Variants in CR1 observed in about 807,000 individuals in gnomAD.
CR1 encodes complement C3b/C4b receptor 1 (Knops blood group).
Under a neutral mutation model 187.3 loss-of-function variants are expected in CR1, and 116 were observed. The observed-to-expected ratio is 0.62, with a 90% CI of 0.53 to 0.72. The LOEUF (loss-of-function observed/expected upper bound fraction) is 0.72, where lower values mean the gene tolerates loss of function less well. Among genes scored for constraint, CR1 ranks in the 30% least tolerant of loss-of-function variants. The pLI is 0.00. For synonymous variants in CR1, 576 were observed against 747.1 expected, an observed-to-expected ratio of 0.77 and a Z score of 3.73; for missense variants, 1,731 against 2,110.7, an observed-to-expected ratio of 0.82 and a Z score of 3.52.
intron 33 of CR1, among the ~76,000 whole-genome samples, chr1:207,587,041 A>G (rs1052357785): frequency 6.6e-6 from 1 of 152,212 alleles, no homozygotes; most frequent in Non-Finnish European, 1.5e-5. Flanking sequence ...GCTACTCATG[A>G]GTGAATTAGC....
rs116806486 is a variant in CR1, at chr1:207,523,640, A to G, written c.517A>G (p.Thr173Ala). Residue 173 changes from threonine (T) to alanine (A), a missense_variant, in exon 5 of 47, where the codon ACC becomes GCC. Transcript: ENST00000367049. Reference sequence around the variant, plus strand: ...TCCTTGTGGGCTACCCCCCACCATCACCAATGGAGATTTCATTAGCACCAA... The same window carrying G: ...TCCTTGTGGGCTACCCCCCACCATCGCCAATGGAGATTTCATTAGCACCAA... ...RIPCGLPPTITNGDFISTNRE... is the reference protein window; with the variant it reads ...RIPCGLPPTIANGDFISTNRE... 1,674 of 1,613,834 alleles carry G rather than the reference A, an allele frequency of 1.0e-3. 8 individuals are homozygous for G. In the African/African-American group the frequency reaches 0.016, roughly 16 times the overall value.
intron 4 of CR1, among the ~76,000 whole-genome samples, chr1:207,518,204 T>C (rs550744951): frequency 1.9e-4 from 29 of 152,296 alleles, no homozygotes; most frequent in South Asian, 1.2e-3. Flanking sequence ...CTCTGACCCA[T>C]AGGCTGTTTA....
At chr1:207,512,510 T>C (rs1659655385) in intron 4 of CR1, among the ~76,000 whole-genome samples, 2 of 152,230 alleles carry the variant, frequency 1.3e-5, no homozygotes, top group South Asian at 4.1e-4. Flanking sequence ...AGGCTGAGGC[T>C]GAGAGAAATA....
intron 39 of CR1, among the ~76,000 whole-genome samples, chr1:207,613,075 G>T (rs1661982548): frequency 6.6e-6 from 1 of 152,188 alleles, no homozygotes; most frequent in African/African-American, 2.4e-5. Context: ...GGGCCACAGT[G>T]TTACAGGCTT....
At position 207,506,771 on chromosome 1, in the gene CR1, G is replaced by A. The variant is rs752354880; in HGVS notation, c.359G>A (p.Gly120Asp). The change falls in exon 3 of 47, where the codon GGC (glycine) becomes GAC (aspartate). Residue 120 changes from glycine (G) to aspartate (D), a missense_variant. Gly to Asp is a moderately conservative substitution (Grantham distance 94). Around this residue, in one of 5 missense-constraint regions of CR1, gnomAD observed 237 missense variants for 240.4 expected, o/e 0.99. Coordinates refer to ENST00000367049, the MANE Select transcript of CR1 (RefSeq NM_000651.6). Reference protein sequence around the residue: ...PVNGMVHVIKGIQFGSQIKYS... With the variant: ...PVNGMVHVIKDIQFGSQIKYS... ...AATGGCATGGTGCATGTGATCAAAG[G>A]CATCCAGTTCGGATCCCAAATTAAA... 3.7e-6 allele frequency: 6 copies of A among 1,613,450 alleles called. No homozygotes were observed. In the African/African-American group the frequency reaches 4.0e-5, roughly 11 times the overall value.
At chr1:207,587,331 G>A in intron 33 of CR1, 55 bp from the exon 34 acceptor site, 11 of 1,457,844 alleles carry the variant, frequency 7.5e-6, no homozygotes, top group African/African-American at 1.4e-5. Context: ...AGAAAGAGGA[G>A]GTAGGGTGGA....
intron 31 of CR1, among the ~76,000 whole-genome samples, chr1:207,581,229 T>C (rs796440499): frequency 6.8e-6 from 1 of 146,378 alleles, no homozygotes; most frequent in South Asian, 2.2e-4. Context: ...GACACGTATA[T>C]GTAGACGTAT....
chr1:207,610,053 G>C (rs1661875448), intron 37 of CR1, among the ~76,000 whole-genome samples: 1 of 152,132 alleles, frequency 6.6e-6, no homozygotes, highest in African/African-American at 2.4e-5. Context: ...ACAATAATGT[G>C]TAATAGTGAT....
intron 1 of CR1, among the ~76,000 whole-genome samples, chr1:207,500,198 G>C (rs1236145030): frequency 6.6e-6 from 1 of 152,174 alleles, no homozygotes; most frequent in African/African-American, 2.4e-5. Context: ...ATTGTGCTAA[G>C]TCATGATGAT....
chr1:207,623,286 A>C (rs916049248), intron 45 of CR1, among the ~76,000 whole-genome samples: 1 of 152,132 alleles, frequency 6.6e-6, no homozygotes, highest in Admixed American at 6.5e-5. Context: ...TAATAACAAA[A>C]AAAAAGACCA....
intron 5 of CR1, among the ~76,000 whole-genome samples, chr1:207,525,346 G>C (rs1660135634): frequency 6.6e-6 from 1 of 151,824 alleles, no homozygotes; most frequent in Admixed American, 6.6e-5. Context: ...AGATCAGGGA[G>C]CTGCTGTGGC....
At chr1:207,521,125 T>G (rs1659980438) in intron 4 of CR1, among the ~76,000 whole-genome samples, 1 of 151,860 alleles carries the variant, frequency 6.6e-6, no homozygotes. Flanking sequence ...TACAGGCCTG[T>G]GCCTCCATGC....
At position 207,567,927 on chromosome 1, in the gene CR1, C is replaced by G; in HGVS notation, c.4056C>G (p.Pro1352=). ...FGKAVNYTCD[P]HPDRGTSFDL... ...AAGCAGTAAATTACACATGCGACCC[C>G]CACCCAGACAGAGGGACGAGCTTCG... Residue 1352 remains proline (P), a synonymous_variant, in exon 25 of 47, where the codon CCC becomes CCG. Coordinates refer to ENST00000367049, the MANE Select transcript of CR1 (RefSeq NM_000651.6). 3.7e-6 allele frequency: 6 copies of G among 1,610,614 alleles called. No individual in the cohort carries two copies. Among genetic ancestry groups the G allele is most frequent in the Non-Finnish European group, 4.2e-6 (5 of 1,179,620 alleles).
intron 35 of CR1, among the ~76,000 whole-genome samples, chr1:207,595,452 C>T (rs1661403378): frequency 6.6e-6 from 1 of 151,958 alleles, no homozygotes; most frequent in South Asian, 2.1e-4. Flanking sequence ...ATTATGCCAT[C>T]CAAATATAAA....
At position 207,620,431 on chromosome 1, in the gene CR1, G is replaced by A. The variant is rs56280113; in HGVS notation, c.7252+366G>A. On this transcript the variant is annotated intron_variant, in intron 43 of 46. Coordinates refer to ENST00000367049, the MANE Select transcript of CR1 (RefSeq NM_000651.6). Reference sequence around the variant, plus strand: ...GTCTCCCTCACTACTGGAGGGGACAGGATTTTAAGCTAGCACAGCTGGATA... The same window carrying A: ...GTCTCCCTCACTACTGGAGGGGACAAGATTTTAAGCTAGCACAGCTGGATA... Among the ~76,000 whole-genome samples, 245 of 152,352 alleles carry A rather than the reference G, an allele frequency of 1.6e-3. 1 individual carries two copies. Among genetic ancestry groups the A allele is most frequent in the Admixed American group, 2.9e-3 (45 of 15,306 alleles).
At chr1:207,636,897 T>C (rs926324655) in intron 46 of CR1, among the ~76,000 whole-genome samples, 11 of 152,198 alleles carry the variant, frequency 7.2e-5, no homozygotes, top group African/African-American at 2.4e-4. Context: ...AAGTAAACAA[T>C]CTGCAATTTT....
intron 43 of CR1, 117 bp downstream of exon 43, chr1:207,620,182 G>GTACA: frequency 9.7e-7 from 1 of 1,026,482 alleles, no homozygotes; most frequent in Non-Finnish European, 1.4e-6. Flanking sequence ...GAGCTATAGA[G>GTACA]TACAATATGA....
intron 24 of CR1, among the ~76,000 whole-genome samples, chr1:207,566,520 G>A (rs1257356245): frequency 6.7e-6 from 1 of 150,064 alleles, no homozygotes; most frequent in East Asian, 1.9e-4. Context: ...CTACTTAGGT[G>A]GGGAGAGGGA....
chr1:207,600,243 C>A (rs1324958622), intron 35 of CR1, among the ~76,000 whole-genome samples: 1 of 152,062 alleles, frequency 6.6e-6, no homozygotes, highest in East Asian at 1.9e-4. Context: ...CAATTCTTGT[C>A]ATTATGCAAA....
Sources: allele counts gnomAD v4.1 joint callset (sites outside exome capture counted in the v4.1 genomes callset), GRCh38; gene constraint gnomAD v4.1.1; regional missense constraint gnomAD v4.1.1; transcripts MANE v1.5; gene names NCBI Gene and HGNC (gene_info 2026-07-23, HGNC 2026-07-21).